The following ZNF583 variants were observed in gnomAD, a reference collection of about 807,000 sequenced individuals.
The protein encoded by ZNF583 is zinc finger protein L3-5.
Under a neutral mutation model 55.3 loss-of-function variants are expected in ZNF583, and 30 were observed. The ratio of observed to expected loss-of-function variants is 0.54; its 90% CI spans 0.41 to 0.74. The LOEUF (loss-of-function observed/expected upper bound fraction) is 0.74, where lower values mean the gene tolerates loss of function less well. Among genes scored for constraint, ZNF583 ranks in the 30% least tolerant of loss-of-function variants. The pLI is 0.00. For synonymous variants in ZNF583, 208 were observed against 220.0 expected (o/e 0.95, Z 0.48); for missense variants, 504 against 664.7 (o/e 0.76, Z 2.66).
chr19:56,418,698 G>T (rs1273229268), intron 4 of ZNF583, among the ~76,000 whole-genome samples: 1 of 150,368 alleles, frequency 6.7e-6, no homozygotes, highest in Non-Finnish European at 1.5e-5. Flanking sequence ...GGACAATCAT[G>T]CTATCTACAA....
chr19:56,410,089 C>T (rs1264077942), intron 2 of ZNF583, among the ~76,000 whole-genome samples: 1 of 152,124 alleles, frequency 6.6e-6, no homozygotes, highest in African/African-American at 2.4e-5. Context: ...TCTTATTGCT[C>T]TATTTGTAAT....
intron 1 of ZNF583, among the ~76,000 whole-genome samples, chr19:56,405,694 A>G (rs999068292): frequency 9.2e-5 from 14 of 152,198 alleles, no homozygotes; most frequent in Non-Finnish European, 2.1e-4. Flanking sequence ...GAGGAATTTA[A>G]AAGGAAAAAG....
intron 4 of ZNF583, among the ~76,000 whole-genome samples, chr19:56,417,798 T>C (rs1451493682): frequency 6.6e-6 from 1 of 152,242 alleles, no homozygotes; most frequent in Non-Finnish European, 1.5e-5. Flanking sequence ...CTGTGAATGA[T>C]TTTGAGCTAA....
At chr19:56,418,993 G>T (rs2042371674) in intron 4 of ZNF583, among the ~76,000 whole-genome samples, 1 of 151,746 alleles carries the variant, frequency 6.6e-6, no homozygotes, top group Admixed American at 6.6e-5. Flanking sequence ...CTGTTGAAAT[G>T]ATCATGTGAT....
intron 4 of ZNF583, 86 bp from the exon 5 acceptor site, chr19:56,422,805 G>C: frequency 1.1e-6 from 1 of 927,312 alleles, no homozygotes; most frequent in Non-Finnish European, 1.6e-6. Context: ...CCTTTAACTT[G>C]TGATGTATTT....
chr19:56,420,970 T>G (rs1310777196), intron 4 of ZNF583, among the ~76,000 whole-genome samples: 6 of 152,186 alleles, frequency 3.9e-5, no homozygotes, highest in Admixed American at 3.9e-4. Context: ...TATCTTCTTT[T>G]GGGATGTTTG....
At chr19:56,411,072 A>C (rs2147564961) in intron 2 of ZNF583, among the ~76,000 whole-genome samples, 1 of 151,474 alleles carries the variant, frequency 6.6e-6, no homozygotes, top group Middle Eastern at 3.4e-3. Context: ...GGATCCCTTC[A>C]GCCCAGGAGT....
intron 4 of ZNF583, among the ~76,000 whole-genome samples, chr19:56,417,645 G>A (rs752940155): frequency 1.3e-5 from 2 of 152,086 alleles, no homozygotes; most frequent in Non-Finnish European, 2.9e-5. Flanking sequence ...ACCTCTGTTG[G>A]AGGCAAAGTT....
intron 1 of ZNF583, among the ~76,000 whole-genome samples, chr19:56,406,683 C>T (rs2042155818): frequency 6.6e-6 from 1 of 152,024 alleles, no homozygotes; most frequent in African/African-American, 2.4e-5. Context: ...CCCGCCACCA[C>T]ACCTGGCTAA....
At chr19:56,408,041 G>A (rs755010583) in intron 2 of ZNF583, among the ~76,000 whole-genome samples, 6 of 152,134 alleles carry the variant, frequency 3.9e-5, no homozygotes, top group Non-Finnish European at 8.8e-5. Flanking sequence ...CAAGTGCTGT[G>A]ATAAATAGGC....
chr19:56,416,369 CAT>C (rs1488391389), intron 4 of ZNF583, among the ~76,000 whole-genome samples: 1 of 150,354 alleles, frequency 6.7e-6, no homozygotes, highest in Non-Finnish European at 1.5e-5. Flanking sequence ...TTGCTCTACT[CAT>C]AAATCAGTTT....
At chr19:56,413,035 C>A (rs1418044457) in intron 2 of ZNF583, among the ~76,000 whole-genome samples, 8 of 152,264 alleles carry the variant, frequency 5.3e-5, no homozygotes, top group Non-Finnish European at 7.4e-5. Context: ...CCACACCTGG[C>A]CTGATTCAGA....
intron 2 of ZNF583, 27 bp downstream of exon 2, chr19:56,407,150 C>T: frequency 6.2e-7 from 1 of 1,613,606 alleles, no homozygotes; most frequent in Non-Finnish European, 8.5e-7. Flanking sequence ...TCTCTCTTCC[C>T]TAAAATGCCA....
intron 4 of ZNF583, chr19:56,414,729 A>G: frequency 4.1e-6 from 1 of 244,652 alleles, no homozygotes; most frequent in East Asian, 9.3e-5. Context: ...TTAGTTTTAT[A>G]CAAGTTGCTT....
chr19:56,411,278 A>G (rs1222728357), intron 2 of ZNF583, among the ~76,000 whole-genome samples: 1 of 152,148 alleles, frequency 6.6e-6, no homozygotes, highest in Non-Finnish European at 1.5e-5. Context: ...GCGACAGAGC[A>G]AGATCCGGTC....
At chr19:56,405,344 T>A (rs1266336345) in intron 1 of ZNF583, among the ~76,000 whole-genome samples, 1 of 152,170 alleles carries the variant, frequency 6.6e-6, no homozygotes, top group African/African-American at 2.4e-5. Flanking sequence ...TGACCCATTG[T>A]GAGAGCAGGG....
intron 4 of ZNF583, chr19:56,414,676 A>G (rs972141709): frequency 1.9e-5 from 8 of 430,606 alleles, no homozygotes; most frequent in African/African-American, 1.4e-4. Flanking sequence ...CCATTTTCCT[A>G]TTGTTGGATC....
Position 56,422,901 on chromosome 19 carries a change from T to C in ZNF583, c.243T>C (p.Tyr81=), listed in dbSNP as rs752772299. Reference sequence around the variant, plus strand: ...CTTGATATCTTTTAGATTGGGAGTATGTATTTAAAAACAGTGAATTTTCAT... The same window carrying C: ...CTTGATATCTTTTAGATTGGGAGTACGTATTTAAAAACAGTGAATTTTCAT... ...GTRGPCPDWE[Y]VFKNSEFSSK... Residue 81 remains tyrosine, a synonymous_variant, in exon 5 of 5, where the codon TAT becomes TAC. Coordinates refer to ENST00000333201, the MANE Select transcript of ZNF583 (RefSeq NM_152478.3). 3.8e-6 allele frequency: 6 copies of C among 1,597,560 alleles called. No homozygotes were observed. In the African/African-American group the frequency reaches 4.0e-5, roughly 11 times the overall value.
chr19:56,406,995 T>C, intron 1 of ZNF583, 31 bp from the exon 2 acceptor site: 1 of 1,128,578 alleles, frequency 8.9e-7, no homozygotes, highest in Non-Finnish European at 1.3e-6. Context: ...AGGGCAGGCC[T>C]GGCATTTTAT....
Sources: gnomAD v4.1 joint callset for allele counts (sites outside exome capture counted in the v4.1 genomes callset) on GRCh38, gnomAD v4.1.1 for gene constraint, MANE v1.5 for transcripts, NCBI Gene and HGNC (gene_info 2026-07-23, HGNC 2026-07-21) for gene names.